The following RIPOR2 variants were observed in gnomAD, a reference collection of about 807,000 sequenced individuals.
RIPOR2 encodes the protein RHO family interacting cell polarization regulator 2.
In RIPOR2, 39 loss-of-function variants were observed where a neutral mutation model predicts 114.5. The observed-to-expected ratio is 0.34, with a 90% CI of 0.26 to 0.44. The LOEUF is 0.44. RIPOR2 is among the 20% of genes least tolerant of loss of function. The pLI, the probability that RIPOR2 is intolerant of heterozygous loss-of-function variation, is 1.00. For synonymous variants in RIPOR2, 445 were observed against 484.4 expected (o/e 0.92, Z 1.07); for missense variants, 1,007 against 1,255.1 (o/e 0.80, Z 2.99).
At chr6:24,932,887 A>G (rs2747672) in intron 1 of RIPOR2, among the ~76,000 whole-genome samples, 6,446 of 152,244 alleles carry the variant, frequency 0.042, 454 homozygotes, top group African/African-American at 0.14. Context: ...TGAATCCTAG[A>G]ACAAGCATGA....
At chr6:24,998,637 A>AT (rs749845863) in intron 1 of RIPOR2, among the ~76,000 whole-genome samples, 5 of 152,152 alleles carry the variant, frequency 3.3e-5, no homozygotes, top group African/African-American at 7.2e-5. Context: ...TTTTCACATG[A>AT]TTTTTTACCA....
At chr6:24,868,549 G>T (rs1489307581) in intron 6 of RIPOR2, among the ~76,000 whole-genome samples, 1 of 152,206 alleles carries the variant, frequency 6.6e-6, no homozygotes, top group Non-Finnish European at 1.5e-5. Context: ...GTTCAGGGCT[G>T]GGTGTCAGGG....
intron 1 of RIPOR2, among the ~76,000 whole-genome samples, chr6:24,878,097 AC>A (rs923794526): frequency 2.0e-5 from 3 of 152,206 alleles, no homozygotes; most frequent in African/African-American, 7.2e-5. Flanking sequence ...GACGAAGAGA[AC>A]CAGAAAGTTA....
chr6:24,832,727 T>C (rs1760783235), intron 15 of RIPOR2, among the ~76,000 whole-genome samples: 1 of 152,228 alleles, frequency 6.6e-6, no homozygotes, highest in Non-Finnish European at 1.5e-5. Flanking sequence ...TGTGTCTTGG[T>C]GTGTAAGCAG....
rs75598446 is a variant in RIPOR2 at position 25,009,329 on chromosome 6, T to C, written c.76+32522A>G. 3.7e-3 allele frequency among the ~76,000 whole-genome samples: 569 copies of C among 152,340 alleles called. 1 individual carries two copies. Among genetic ancestry groups the C allele is most frequent in the African/African-American group, 0.013 (532 of 41,570 alleles). On this transcript the variant is annotated intron_variant, in intron 1 of 13. Coordinates refer to the RIPOR2 transcript ENST00000510784. ...GATTAGCAGTTTCTCTGAATTCACTTTCCTCTTTCTGGTAACTCAATCCTA... is the reference window on the plus strand; with the variant it reads ...GATTAGCAGTTTCTCTGAATTCACTCTCCTCTTTCTGGTAACTCAATCCTA...
intron 15 of RIPOR2, among the ~76,000 whole-genome samples, chr6:24,833,516 A>C (rs185187208): frequency 2.8e-4 from 42 of 151,494 alleles, no homozygotes; most frequent in Admixed American, 1.8e-3. Context: ...ACAAAAACAA[A>C]AACAACAACA....
intron 17 of RIPOR2, among the ~76,000 whole-genome samples, chr6:24,828,634 T>G (rs1448139735): frequency 6.6e-6 from 1 of 152,152 alleles, no homozygotes; most frequent in Non-Finnish European, 1.5e-5. Context: ...CGGCCTGCAT[T>G]CCATAAGGTT....
chr6:24,896,856 T>C (rs1473045870), intron 1 of RIPOR2, among the ~76,000 whole-genome samples: 1 of 152,194 alleles, frequency 6.6e-6, no homozygotes, highest in East Asian at 1.9e-4. Context: ...TGAGCTGAGA[T>C]TGTACCACTG....
In RIPOR2 at chr6:24,828,309, A is replaced by G; in HGVS notation, c.2507-14T>C. The stretch of plus-strand genomic sequence containing the variant: ...GGGTTCGAAACACTATTCGGAAGGG[A>G]AAGACACAAAGCAGCTTTAGATAGA... On this transcript the variant is annotated splice_polypyrimidine_tract_variant and intron_variant, in intron 17 of 21. Transcript: ENST00000643898. 3.9e-6 allele frequency: 6 copies of G among 1,530,666 alleles called. No homozygotes were observed. The highest frequency in any genetic ancestry group is 4.4e-6 in the Non-Finnish European group (5 of 1,136,606). The allele number at this position is 1,530,666 out of a possible 1,614,324, so 94.8% of individuals were successfully genotyped here.
chr6:24,919,894 G>A (rs540930708), intron 1 of RIPOR2, among the ~76,000 whole-genome samples: 3 of 152,234 alleles, frequency 2.0e-5, no homozygotes, highest in South Asian at 2.1e-4. Flanking sequence ...GATACTATTC[G>A]ACTCAAGTGC....
At chr6:24,859,851 A>G (rs577063521) in intron 8 of RIPOR2, among the ~76,000 whole-genome samples, 77 of 152,212 alleles carry the variant, frequency 5.1e-4, no homozygotes, top group Non-Finnish European at 9.8e-4. Context: ...AGTAGAAAGA[A>G]GGTGATTAAA....
chr6:24,956,770 C>G (rs1459016171), intron 1 of RIPOR2, among the ~76,000 whole-genome samples: 2 of 152,228 alleles, frequency 1.3e-5, no homozygotes, highest in African/African-American at 2.4e-5. Context: ...AAATCTTGCT[C>G]TCTGTGCCTT....
chr6:24,847,587 G>A, intron 12 of RIPOR2: 1 of 1,551,714 alleles, frequency 6.4e-7, no homozygotes, highest in Non-Finnish European at 8.7e-7. Flanking sequence ...GGGAGGGCAG[G>A]TCACTGAAGG....
intron 11 of RIPOR2, 130 bp downstream of exon 11, chr6:24,849,672 G>A: frequency 2.5e-6 from 2 of 812,942 alleles, no homozygotes; most frequent in Non-Finnish European, 4.0e-6. Context: ...AGTAGTCCTG[G>A]GGTGGGGCCC....
rs557899706 is a variant in RIPOR2, at chr6:25,037,588, T to C, written c.76+4263A>G. Among the ~76,000 whole-genome samples, 34 of 152,336 alleles carry C rather than the reference T, an allele frequency of 2.2e-4. No homozygotes were observed. The South Asian group carries it at 6.8e-3, about 31-fold the overall frequency. On this transcript the variant is annotated intron_variant, in intron 1 of 13. Transcript: ENST00000510784. The surrounding 1 kb of genome is among the most constrained non-coding windows in gnomAD (Gnocchi z 4.5). The stretch of plus-strand genomic sequence containing the variant: ...AGTGACCTTTGGCCTCTTTTAAAAT[T>C]CAAATATCCCTAAGAAGGGTAACAT...
chr6:24,959,122 C>T (rs930179695), intron 1 of RIPOR2, among the ~76,000 whole-genome samples: 1 of 151,952 alleles, frequency 6.6e-6, no homozygotes, highest in Admixed American at 6.6e-5. Context: ...GGCCCTTCTG[C>T]TTCCATCTTC....
intron 1 of RIPOR2, among the ~76,000 whole-genome samples, chr6:24,978,816 GA>G (rs1774180225): frequency 6.6e-6 from 1 of 152,156 alleles, no homozygotes; most frequent in Admixed American, 6.5e-5. Flanking sequence ...TTAAATAGAT[GA>G]AACATGTAAA....
At chr6:24,868,993 T>C in intron 6 of RIPOR2, 101 bp downstream of exon 6, 1 of 620,554 alleles carries the variant, frequency 1.6e-6, no homozygotes, top group Non-Finnish European at 2.9e-6. Context: ...GTCAATTGGA[T>C]AGGAAGTTCT....
chr6:24,952,274 G>C (rs1042737079), intron 1 of RIPOR2, among the ~76,000 whole-genome samples: 4 of 152,066 alleles, frequency 2.6e-5, no homozygotes, highest in Admixed American at 6.6e-5. Context: ...AATCTCTACT[G>C]CTCTCTCTCT....
Sources: allele counts gnomAD v4.1 joint callset (sites outside exome capture counted in the v4.1 genomes callset), GRCh38; gene constraint gnomAD v4.1.1; non-coding constraint Gnocchi (gnomAD v3.1); transcripts MANE v1.5; gene names NCBI Gene and HGNC (gene_info 2026-07-23, HGNC 2026-07-21).